The following SRRM4 variants were observed in gnomAD, a reference collection of about 807,000 sequenced individuals.
The protein encoded by SRRM4 is serine/arginine repetitive matrix 4.
Under a neutral mutation model 68.9 loss-of-function variants are expected in SRRM4, and 33 were observed. The observed-to-expected ratio is 0.48, with a 90% confidence interval of 0.36 to 0.64. The LOEUF is 0.64. Ranked by LOEUF, SRRM4 falls within the 30% of genes least tolerant of loss-of-function variation. The pLI is 0.00. For missense variants in SRRM4, 817 were observed against 827.1 expected (o/e 0.99, Z 0.15); for synonymous variants, 318 against 318.8 (o/e 1.00, Z 0.03).
chr12:119,040,463 C>T (rs1228624661), intron 1 of SRRM4, among the ~76,000 whole-genome samples: 1 of 152,186 alleles, frequency 6.6e-6, no homozygotes, highest in East Asian at 1.9e-4. Flanking sequence ...GTTTTCCATT[C>T]CTGAGTTACT....
In SRRM4 at chr12:119,160,316, TC is replaced by T; in HGVS notation, c.*3519del. On this transcript the variant is annotated 3_prime_UTR_variant, in exon 13 of 13. Transcript: ENST00000267260. The stretch of plus-strand genomic sequence containing the variant: ...CTCTCTCTCTCTCTCTCTCTCTCTC[TC>T]TCTCTCAGTGTATTTCTCTACTTTC... 1 of 149,526 alleles carries T rather than the reference TC, an allele frequency of 6.7e-6. No individual in the cohort carries two copies. The highest frequency in any genetic ancestry group is 1.5e-5 in the Non-Finnish European group (1 of 67,458). The allele number at this position is 149,526 out of a possible 1,614,324, so 9.3% of individuals were successfully genotyped here.
rs755983020 is a variant in SRRM4, at chr12:119,038,905, T to C, written c.131+56892T>C. On this transcript the variant is annotated intron_variant, in intron 1 of 12. Coordinates refer to ENST00000267260, the MANE Select transcript of SRRM4 (RefSeq NM_194286.4). ...TATTACGGGAGCCAGAGGGATGCAG[T>C]TGAGGAGCTGAACTGGCCTGAAGAG... is the stretch of plus-strand genomic sequence containing the variant. Among the ~76,000 whole-genome samples, 41 of 152,270 alleles carry C rather than the reference T, an allele frequency of 2.7e-4. 1 individual carries two copies. The highest frequency in any genetic ancestry group is 1.9e-4 in the East Asian group (1 of 5,172).
intron 6 of SRRM4, among the ~76,000 whole-genome samples, chr12:119,123,930 C>T (rs1392905468): frequency 2.0e-5 from 3 of 152,144 alleles, no homozygotes; most frequent in Non-Finnish European, 4.4e-5. Context: ...ATTGTGGGAA[C>T]ACAGGCACTG....
chr12:119,014,837 T>C (rs1265662825), intron 1 of SRRM4, among the ~76,000 whole-genome samples: 1 of 152,122 alleles, frequency 6.6e-6, no homozygotes, highest in Non-Finnish European at 1.5e-5. Flanking sequence ...ACAATTCTGT[T>C]AAAGCGAAAG....
intron 1 of SRRM4, among the ~76,000 whole-genome samples, chr12:119,093,706 G>A (rs1399812803): frequency 6.6e-6 from 1 of 152,136 alleles, no homozygotes; most frequent in African/African-American, 2.4e-5. Context: ...CAGGTCCCAT[G>A]CATTTTTCCC....
At chr12:119,004,341 T>C (rs1030704591) in intron 1 of SRRM4, among the ~76,000 whole-genome samples, 1 of 152,030 alleles carries the variant, frequency 6.6e-6, no homozygotes, top group Non-Finnish European at 1.5e-5. Context: ...TAAGAACATC[T>C]GATTCCTAGA....
chr12:119,064,977 T>C (rs1953836663), intron 1 of SRRM4, among the ~76,000 whole-genome samples: 1 of 152,106 alleles, frequency 6.6e-6, no homozygotes, highest in African/African-American at 2.4e-5. Context: ...ACAATACGAG[T>C]TATGATTTGC....
At chr12:118,990,605 G>A (rs1177842170) in intron 1 of SRRM4, among the ~76,000 whole-genome samples, 2 of 152,070 alleles carry the variant, frequency 1.3e-5, no homozygotes, top group African/African-American at 4.8e-5. Flanking sequence ...GTTTTGTTTT[G>A]CTCATCTTGT....
At chr12:119,073,692 CTT>C (rs1953892242) in intron 1 of SRRM4, among the ~76,000 whole-genome samples, 1 of 152,154 alleles carries the variant, frequency 6.6e-6, no homozygotes, top group Non-Finnish European at 1.5e-5. Flanking sequence ...ACCATCATAG[CTT>C]ACTGCAGGCT....
At chr12:119,127,499 G>A (rs930531603) in intron 7 of SRRM4, among the ~76,000 whole-genome samples, 1 of 152,080 alleles carries the variant, frequency 6.6e-6, no homozygotes, top group African/African-American at 2.4e-5. Context: ...GGGCCGAGGT[G>A]GGCAGATCAC....
At chr12:119,155,659 G>A (rs1244810380) in intron 12 of SRRM4, among the ~76,000 whole-genome samples, 3 of 152,188 alleles carry the variant, frequency 2.0e-5, no homozygotes, top group African/African-American at 7.2e-5. Flanking sequence ...ATTTGAGCCT[G>A]GAGTGGGGTG....
At position 119,145,637 on chromosome 12, in the gene SRRM4, G is replaced by A; in HGVS notation, c.1028G>A (p.Gly343Glu). 1 of 1,534,222 alleles carries A rather than the reference G, an allele frequency of 6.5e-7. No homozygotes were observed. Reference sequence around the variant, plus strand: ...ACCACCTCCTCACCCCAGAACAAGGGGGCCATGTTGGAGAATCTCTCCCCC... The same window carrying A: ...ACCACCTCCTCACCCCAGAACAAGGAGGCCATGTTGGAGAATCTCTCCCCC... ...SFTTSSPQNK[G>E]AMLENLSPTS... The change falls in exon 9 of 13, where the codon GGG (glycine) becomes GAG (glutamate). Residue 343 changes from glycine to glutamate, a missense_variant. Transcript: ENST00000267260.
At chr12:119,060,059 T>A (rs1451925919) in intron 1 of SRRM4, among the ~76,000 whole-genome samples, 2 of 152,124 alleles carry the variant, frequency 1.3e-5, no homozygotes, top group Non-Finnish European at 1.5e-5. Flanking sequence ...GACTAGGCAC[T>A]GCCCTGACTT....
intron 1 of SRRM4, among the ~76,000 whole-genome samples, chr12:119,011,017 A>G (rs1953445603): frequency 6.6e-6 from 1 of 152,192 alleles, no homozygotes; most frequent in Non-Finnish European, 1.5e-5. Context: ...ACTCTATATA[A>G]ATATATATGT....
chr12:119,058,957 C>A (rs1953793974), intron 1 of SRRM4, among the ~76,000 whole-genome samples: 1 of 152,176 alleles, frequency 6.6e-6, no homozygotes, highest in South Asian at 2.1e-4. Flanking sequence ...CGCAGCAGAG[C>A]CAGACAGAAA....
chr12:119,131,113 G>T (rs1420693260), intron 8 of SRRM4, among the ~76,000 whole-genome samples: 2 of 152,150 alleles, frequency 1.3e-5, no homozygotes, highest in African/African-American at 4.8e-5. Flanking sequence ...AGTGATATCT[G>T]CAGGAAGACA....
At chr12:119,022,687 A>G (rs936806312) in intron 1 of SRRM4, among the ~76,000 whole-genome samples, 6 of 152,236 alleles carry the variant, frequency 3.9e-5, no homozygotes, top group Non-Finnish European at 7.3e-5. Context: ...ATTATCACAT[A>G]TATCTCAAAC....
At chr12:119,106,622 G>T (rs1340303468) in intron 2 of SRRM4, among the ~76,000 whole-genome samples, 7 of 152,126 alleles carry the variant, frequency 4.6e-5, no homozygotes, top group Non-Finnish European at 8.8e-5. Context: ...TCTGTTATTG[G>T]TGTATAGGAA....
intron 1 of SRRM4, among the ~76,000 whole-genome samples, chr12:118,990,122 T>C (rs1953307311): frequency 6.6e-6 from 1 of 152,174 alleles, no homozygotes; most frequent in Non-Finnish European, 1.5e-5. Context: ...GACCCTATTT[T>C]ACAGATGAGA....
Sources: gnomAD v4.1 joint callset for allele counts (sites outside exome capture counted in the v4.1 genomes callset) on GRCh38, gnomAD v4.1.1 for gene constraint, MANE v1.5 for transcripts, NCBI Gene and HGNC (gene_info 2026-07-23, HGNC 2026-07-21) for gene names.